SLC4A10: variants seen among roughly 807,000 people sequenced by gnomAD.
SLC4A10 encodes sodium-driven chloride bicarbonate exchanger.
Under a neutral mutation model 137.7 loss-of-function variants are expected in SLC4A10, and 42 were observed. That is an observed-to-expected ratio of 0.30 (90% CI 0.24 to 0.39). The LOEUF is 0.39. SLC4A10 is among the 10% of genes least tolerant of loss of function. The pLI is 1.00. For synonymous variants in SLC4A10, 474 were observed against 464.1 expected, an observed-to-expected ratio of 1.02 and a Z score of -0.27; for missense variants, 925 against 1,355.0, an observed-to-expected ratio of 0.68 and a Z score of 4.98.
At chr2:161,840,002 A>G in intron 4 of SLC4A10, 75 bp downstream of exon 4, 1 of 1,573,952 alleles carries the variant, frequency 6.4e-7, no homozygotes. Flanking sequence ...TTCTAATGCA[A>G]CAATTTTGCA....
rs2063273323 is a variant in SLC4A10 at position 161,894,788 on chromosome 2, G to A, written c.1304G>A (p.Ser435Asn). The change falls in exon 11 of 27, where the codon AGC becomes AAC. Residue 435 changes from serine to asparagine, a missense_variant. Transcript: ENST00000446997. Reference protein sequence around the residue: ...TVLPPGEWDPSIRIEPPKNVP... With the variant: ...TVLPPGEWDPNIRIEPPKNVP... The stretch of plus-strand genomic sequence containing the variant: ...CTCCCTCCTGGAGAATGGGATCCAA[G>A]CATTCGAATAGAGCCTCCCAAAAAT... 5.0e-6 allele frequency: 7 copies of A among 1,406,716 alleles called. No individual in the cohort carries two copies. Among genetic ancestry groups the A allele is most frequent in the South Asian group, 4.3e-5 (2 of 46,964 alleles). The allele number at this position is 1,406,716 out of a possible 1,614,324, so 87.1% of individuals were successfully genotyped here.
intron 2 of SLC4A10, among the ~76,000 whole-genome samples, chr2:161,772,062 C>T (rs538872667): frequency 6.6e-6 from 1 of 151,922 alleles, no homozygotes; most frequent in South Asian, 2.1e-4. Flanking sequence ...AGAAACAACT[C>T]TCAACAACTA....
intron 26 of SLC4A10, among the ~76,000 whole-genome samples, chr2:161,982,921 C>T (rs1700416022): frequency 1.3e-5 from 2 of 152,256 alleles, no homozygotes; most frequent in African/African-American, 4.8e-5. Context: ...GTTTTTGGAA[C>T]TGTTTAAAAA....
At chr2:161,634,347 C>T (rs183183842) in intron 1 of SLC4A10, among the ~76,000 whole-genome samples, 28 of 151,970 alleles carry the variant, frequency 1.8e-4, no homozygotes, top group African/African-American at 5.5e-4. Flanking sequence ...CTTCTGGTGA[C>T]ATTAACTTTG....
chr2:161,862,101 T>C (rs1353700155), intron 5 of SLC4A10, among the ~76,000 whole-genome samples: 3 of 152,196 alleles, frequency 2.0e-5, no homozygotes, highest in Non-Finnish European at 4.4e-5. Flanking sequence ...AAAATACCTT[T>C]ACTTATCTAT....
chr2:161,696,593 A>C (rs1427775480), intron 1 of SLC4A10, among the ~76,000 whole-genome samples: 1 of 150,622 alleles, frequency 6.6e-6, no homozygotes, highest in Non-Finnish European at 1.5e-5. Context: ...AATGAGAATG[A>C]TGATTTCCAA....
At chr2:161,767,196 GTGTGTGTA>G (rs1388050331) in intron 1 of SLC4A10, among the ~76,000 whole-genome samples, 36 of 109,324 alleles carry the variant, frequency 3.3e-4, no homozygotes, top group Admixed American at 1.7e-3. Context: ...GTGTGTGTGT[GTGTGTGTA>G]TATATATATA....
At chr2:161,792,075 G>A (rs943619208) in intron 2 of SLC4A10, among the ~76,000 whole-genome samples, 1 of 152,032 alleles carries the variant, frequency 6.6e-6, no homozygotes, top group Non-Finnish European at 1.5e-5. Context: ...ACTCTGTTTA[G>A]TATGAGTTTC....
chr2:161,832,380 G>T (rs1253340057), intron 3 of SLC4A10, among the ~76,000 whole-genome samples: 1 of 152,214 alleles, frequency 6.6e-6, no homozygotes, highest in East Asian at 1.9e-4. Flanking sequence ...GTGAGGAAGG[G>T]ATACTGACAG....
At chr2:161,965,924 T>C (rs1697492822) in intron 23 of SLC4A10, among the ~76,000 whole-genome samples, 2 of 152,288 alleles carry the variant, frequency 1.3e-5, no homozygotes, top group East Asian at 1.9e-4. Flanking sequence ...AGCAGGATGA[T>C]TGAGCCCATA....
intron 8 of SLC4A10, among the ~76,000 whole-genome samples, chr2:161,876,323 T>C (rs1385834949): frequency 1.3e-5 from 2 of 152,162 alleles, no homozygotes; most frequent in Admixed American, 6.6e-5. Flanking sequence ...GCTTTACATA[T>C]TTATAATTTT....
chr2:161,635,869 T>C (rs1212247753), intron 1 of SLC4A10, among the ~76,000 whole-genome samples: 2 of 152,152 alleles, frequency 1.3e-5, no homozygotes, highest in African/African-American at 4.8e-5. Flanking sequence ...ATGAATGGTC[T>C]GCCACTGTGG....
chr2:161,644,214 C>T (rs1056789220), intron 1 of SLC4A10, among the ~76,000 whole-genome samples: 1 of 151,782 alleles, frequency 6.6e-6, no homozygotes, highest in Admixed American at 6.6e-5. Flanking sequence ...AACAATAACA[C>T]GACTGGGCAT....
At chr2:161,788,358 G>T (rs1217741615) in intron 2 of SLC4A10, among the ~76,000 whole-genome samples, 2 of 151,988 alleles carry the variant, frequency 1.3e-5, no homozygotes, top group Non-Finnish European at 2.9e-5. Flanking sequence ...ATTTGGTGGT[G>T]CAATTCAGTC....
intron 3 of SLC4A10, among the ~76,000 whole-genome samples, chr2:161,809,741 G>A (rs2056358746): frequency 6.6e-6 from 1 of 151,900 alleles, no homozygotes; most frequent in Non-Finnish European, 1.5e-5. Flanking sequence ...GTGTGTGTCT[G>A]TTTTTTGTAC....
chr2:161,896,465 G>A (rs1422210611), intron 11 of SLC4A10, among the ~76,000 whole-genome samples: 1 of 152,114 alleles, frequency 6.6e-6, no homozygotes, highest in Non-Finnish European at 1.5e-5. Context: ...GTCACTGGTA[G>A]CTTGATGGGG....
At chr2:161,659,074 A>C (rs571523477) in intron 1 of SLC4A10, among the ~76,000 whole-genome samples, 1 of 152,290 alleles carries the variant, frequency 6.6e-6, no homozygotes, top group African/African-American at 2.4e-5. Context: ...AGGAAAAAAA[A>C]ATCATTATAT....
intron 3 of SLC4A10, among the ~76,000 whole-genome samples, chr2:161,831,719 C>T (rs1470275068): frequency 6.6e-6 from 1 of 151,910 alleles, no homozygotes; most frequent in Non-Finnish European, 1.5e-5. Context: ...CTTTTTTCCC[C>T]CCTCAAAGAA....
intron 1 of SLC4A10, among the ~76,000 whole-genome samples, chr2:161,679,249 A>T (rs1034497208): frequency 6.6e-6 from 1 of 152,156 alleles, no homozygotes; most frequent in African/African-American, 2.4e-5. Flanking sequence ...CAAGCTTATC[A>T]TGTTTAATGT....
Sources: allele counts gnomAD v4.1 joint callset (sites outside exome capture counted in the v4.1 genomes callset), GRCh38; gene constraint gnomAD v4.1.1; transcripts MANE v1.5; gene names NCBI Gene and HGNC (gene_info 2026-07-23, HGNC 2026-07-21).